The following FGGY variants were observed in gnomAD, a reference collection of about 807,000 sequenced individuals.
FGGY encodes the protein FGGY carbohydrate kinase domain containing.
A neutral mutation model predicts 71.3 loss-of-function variants in FGGY; 72 were observed. The ratio of observed to expected loss-of-function variants is 1.01; its 90% CI spans 0.84 to 1.23. The LOEUF is 1.23. Among genes scored for constraint, FGGY ranks in the 50% most tolerant of loss-of-function variants. The pLI, the probability that FGGY is intolerant of heterozygous loss-of-function variation, is 0.00. For missense variants in FGGY, 668 were observed against 682.3 expected, an observed-to-expected ratio of 0.98 and a Z score of 0.23; for synonymous variants, 251 against 250.3, an observed-to-expected ratio of 1.00 and a Z score of -0.02.
intron 8 of FGGY, among the ~76,000 whole-genome samples, chr1:59,579,486 C>T (rs1336586895): frequency 2.0e-5 from 3 of 152,194 alleles, no homozygotes; most frequent in African/African-American, 7.2e-5. Context: ...CCTAATTCCT[C>T]TCAGCCCCCA....
intron 6 of FGGY, among the ~76,000 whole-genome samples, chr1:59,492,681 C>T: frequency 6.6e-6 from 1 of 151,940 alleles, no homozygotes; most frequent in East Asian, 1.9e-4. Flanking sequence ...TTCTGTTTTT[C>T]CTTTCCAGGT....
intron 12 of FGGY, among the ~76,000 whole-genome samples, chr1:59,666,561 A>G (rs1057144531): frequency 2.5e-4 from 38 of 152,360 alleles, no homozygotes; most frequent in African/African-American, 8.9e-4. Context: ...AGTTTAATGA[A>G]CTTAGCAAGA....
chr1:59,528,465 C>T (rs2095052374), intron 7 of FGGY, among the ~76,000 whole-genome samples: 1 of 152,212 alleles, frequency 6.6e-6, no homozygotes, highest in Admixed American at 6.5e-5. Context: ...TATATAGCTT[C>T]ACCCAAGCCA....
intron 5 of FGGY, among the ~76,000 whole-genome samples, chr1:59,391,380 G>A (rs548938071): frequency 8.9e-4 from 135 of 152,264 alleles, no homozygotes; most frequent in African/African-American, 2.9e-3. Flanking sequence ...GGAGGAAGTA[G>A]GAGGTGCTAA....
intron 14 of FGGY, among the ~76,000 whole-genome samples, chr1:59,685,758 A>T (rs1007337404): frequency 4.6e-5 from 7 of 152,054 alleles, no homozygotes; most frequent in South Asian, 2.1e-4. Flanking sequence ...CTAGGCAGTT[A>T]TTATTATTTT....
At chr1:59,609,080 AG>A (rs958226506) in intron 9 of FGGY, among the ~76,000 whole-genome samples, 1 of 152,208 alleles carries the variant, frequency 6.6e-6, no homozygotes, top group African/African-American at 2.4e-5. Context: ...AAGATAAATA[AG>A]GACAAACCAG....
intron 14 of FGGY, among the ~76,000 whole-genome samples, chr1:59,744,135 CTT>C (rs2098173683): frequency 6.6e-6 from 1 of 152,148 alleles, no homozygotes; most frequent in South Asian, 2.1e-4. Flanking sequence ...TATGCATTTT[CTT>C]TTTTAACTTT....
At chr1:59,591,811 C>T (rs147919369) in intron 8 of FGGY, among the ~76,000 whole-genome samples, 4,758 of 152,214 alleles carry the variant, frequency 0.031, 110 homozygotes, top group Middle Eastern at 0.092. Context: ...AAGACTTAAA[C>T]GTTCGACCTA....
chr1:59,374,420 A>T (rs1203316492), intron 4 of FGGY, among the ~76,000 whole-genome samples: 1 of 152,202 alleles, frequency 6.6e-6, no homozygotes, highest in Non-Finnish European at 1.5e-5. Flanking sequence ...GCTGGAGAGG[A>T]TGTGGAGAAA....
chr1:59,405,618 G>A (rs1435789627), intron 5 of FGGY, among the ~76,000 whole-genome samples: 1 of 152,120 alleles, frequency 6.6e-6, no homozygotes, highest in Non-Finnish European at 1.5e-5. Flanking sequence ...TTTTAGAGAT[G>A]GATGGGGAAG....
chr1:59,582,404 A>G (rs1435539876), intron 8 of FGGY, among the ~76,000 whole-genome samples: 1 of 149,862 alleles, frequency 6.7e-6, no homozygotes, highest in Non-Finnish European at 1.5e-5. Flanking sequence ...TTACTTTTAA[A>G]TCCTTAGCAA....
At chr1:59,402,847 A>C (rs573487154) in intron 5 of FGGY, among the ~76,000 whole-genome samples, 3 of 152,114 alleles carry the variant, frequency 2.0e-5, no homozygotes, top group African/African-American at 7.2e-5. Context: ...AGGGTCATGG[A>C]AAAGGCTTCA....
intron 5 of FGGY, among the ~76,000 whole-genome samples, chr1:59,454,854 G>A (rs897962469): frequency 3.3e-5 from 5 of 152,196 alleles, no homozygotes; most frequent in South Asian, 2.1e-4. Context: ...CTAGTATAGT[G>A]CCAGGATCAT....
intron 5 of FGGY, among the ~76,000 whole-genome samples, chr1:59,428,115 G>A (rs947132368): frequency 1.3e-5 from 2 of 152,192 alleles, no homozygotes; most frequent in African/African-American, 4.8e-5. Flanking sequence ...AGACTTGATG[G>A]TCATTTCTGC....
chr1:59,483,898 TGAAG>T (rs1267401517), intron 6 of FGGY, among the ~76,000 whole-genome samples: 1 of 151,710 alleles, frequency 6.6e-6, no homozygotes, highest in African/African-American at 2.4e-5. Context: ...AAATAAAAGA[TGAAG>T]GAAGCAGGGG....
intron 8 of FGGY, among the ~76,000 whole-genome samples, chr1:59,590,739 C>T (rs536708028): frequency 2.6e-4 from 39 of 152,282 alleles, no homozygotes; most frequent in African/African-American, 6.3e-4. Context: ...AATTCAACAA[C>T]GCCTTATGCT....
At chr1:59,702,003 C>T (rs762394380) in intron 14 of FGGY, among the ~76,000 whole-genome samples, 7 of 152,174 alleles carry the variant, frequency 4.6e-5, no homozygotes, top group African/African-American at 1.2e-4. Context: ...GTTTAACTGA[C>T]TCACTGTTCT....
rs147603444 is a variant in FGGY, at chr1:59,605,689, C to T, written c.904-2114C>T. ...TTTTGTTTTTTGCCTTCCTTCCCCC[C>T]CTTCCCATTTTGTGGTTGGAAATCC... On this transcript the variant is annotated intron_variant, in intron 8 of 15. Transcript: ENST00000303721. Among the ~76,000 whole-genome samples, 117 of 152,198 alleles carry T rather than the reference C, an allele frequency of 7.7e-4. 3 individuals carry two copies. The highest frequency in any genetic ancestry group is 2.6e-3 in the African/African-American group (109 of 41,516).
rs569241280 is a variant in FGGY at position 59,732,748 on chromosome 1, A to G, written c.1513-25183A>G. Among the ~76,000 whole-genome samples the G allele has an allele frequency of 3.4e-4, 51 of 152,204 alleles. No individual in the cohort carries two copies. The South Asian group carries it at 5.6e-3, about 17-fold the overall frequency. On this transcript the variant is annotated intron_variant, in intron 14 of 15. Transcript: ENST00000303721. ...ATGCAGACCACTGTCGCCCCCACCT[A>G]GACCACTGCGGTATCTCCTAACTGG...
Sources: gnomAD v4.1 joint callset for allele counts (sites outside exome capture counted in the v4.1 genomes callset) on GRCh38, gnomAD v4.1.1 for gene constraint, MANE v1.5 for transcripts, NCBI Gene and HGNC (gene_info 2026-07-23, HGNC 2026-07-21) for gene names.